The following AHNAK2 variants were observed in gnomAD, a reference collection of about 807,000 sequenced individuals.
AHNAK2 encodes the protein AHNAK nucleoprotein 2.
A neutral mutation model predicts 30.7 loss-of-function variants in AHNAK2; 18 were observed. That is an observed-to-expected ratio of 0.59 (90% CI 0.41 to 0.87). The LOEUF is 0.87. Ranked by LOEUF, AHNAK2 falls within the 40% of genes least tolerant of loss-of-function variation. AHNAK2 has a pLI of 0.00. For missense variants in AHNAK2, 8,604 were observed against 7,373.0 expected (o/e 1.17, Z -6.11); for synonymous variants, 3,590 against 3,073.8 (o/e 1.17, Z -5.56).
At position 104,944,907 on chromosome 14, in the gene AHNAK2, T is replaced by G. The variant is rs760940651; in HGVS notation, c.10544A>C (p.Asp3515Ala). ...AATGCTGAGGTCAGTGGCCTTGAGG[T>G]CCCCCTGCATGGAGGAGAGGCTCAC... ...ADVSLSSMQG[D>A]LKATDLSIQP... is the part of the protein sequence containing the mutation. Residue 3515 changes from aspartate to alanine, a missense_variant, in exon 7 of 7, where the codon GAC becomes GCC. By Grantham distance (126) the Asp-to-Ala change is moderately radical. Coordinates refer to ENST00000333244, the MANE Select transcript of AHNAK2 (RefSeq NM_138420.4). 19 of 1,612,542 alleles carry G rather than the reference T, an allele frequency of 1.2e-5. No homozygotes were observed. Among genetic ancestry groups the G allele is most frequent in the Non-Finnish European group, 1.6e-5 (19 of 1,179,472 alleles).
Position 104,947,658 on chromosome 14 carries a change from G to A in AHNAK2, c.7793C>T (p.Pro2598Leu). 1.2e-6 allele frequency: 2 copies of A among 1,613,152 alleles called. No homozygotes were observed. The highest frequency in any genetic ancestry group is 4.5e-5 in the East Asian group (2 of 44,772). The change falls in exon 7 of 7, where the codon CCC becomes CTC. Residue 2598 changes from proline (P) to leucine (L), a missense_variant. Coordinates refer to ENST00000333244, the MANE Select transcript of AHNAK2 (RefSeq NM_138420.4). ...ATCGGGGGCTGTCACTTCCGCCTTG[G>A]GGCCTTTCAGGTCCAGCTTGGGGCC... The part of the protein sequence containing the change: ...VKGPKLDLKG[P>L]KAEVTAPDVE...
In AHNAK2 at chr14:104,939,955, G is replaced by C; in HGVS notation, c.15496C>G (p.Pro5166Ala). The change falls in exon 7 of 7, where the codon CCA (proline) becomes GCA (alanine). Residue 5166 changes from proline to alanine, a missense_variant. Physicochemically the swap from Pro to Ala is conservative, Grantham distance 27. Coordinates refer to ENST00000333244, the MANE Select transcript of AHNAK2 (RefSeq NM_138420.4). ...TCCACTGTGAGGACTTCAGCATCTG[G>C]TTTTCTACAGGATGGCTGGAGGGGA... ...EDPLQPSCRK[P>A]DAEVLTVESP... 1.2e-6 allele frequency: 2 copies of C among 1,612,054 alleles called. No individual in the cohort carries two copies. Among genetic ancestry groups the C allele is most frequent in the East Asian group, 2.2e-5 (1 of 44,884 alleles).
At position 104,948,926 on chromosome 14, in the gene AHNAK2, C is replaced by G. The variant is rs376667114; in HGVS notation, c.6525G>C (p.Ser2175=). ...CCACCTTGGGTGGAGACACATCCAC[C>G]GAGGCCTCGATGGACTTGCCTGGGG... ...VSAPGKSIEA[S]VDVSPPKVEA... The change falls in exon 7 of 7, where the codon TCG becomes TCC. Residue 2175 remains serine, a synonymous_variant. Transcript: ENST00000333244. 5.2e-5 allele frequency: 82 copies of G among 1,582,118 alleles called. 1 individual carries two copies. The highest frequency in any genetic ancestry group is 4.3e-4 in the Admixed American group (25 of 57,672).
chr14:104,944,613 G>C lies in AHNAK2; in HGVS notation c.10838C>G (p.Ala3613Gly), dbSNP rs370731896. 1.9e-5 allele frequency: 30 copies of C among 1,613,026 alleles called. No homozygotes were observed. The African/African-American group carries it at 3.6e-4, about 19-fold the overall frequency. ...CTCCAGCCGCCCAGCATCCAGCTTGGCCTTCGGGGCCTGGACATCCACCTC... is the reference window on the plus strand; with the variant it reads ...CTCCAGCCGCCCAGCATCCAGCTTGCCCTTCGGGGCCTGGACATCCACCTC... ...SVEVDVQAPK[A>G]KLDAGRLEGD... The change falls in exon 7 of 7, where the codon GCC (alanine) becomes GGC (glycine). Residue 3613 changes from alanine (A) to glycine (G), a missense_variant. Coordinates refer to ENST00000333244, the MANE Select transcript of AHNAK2 (RefSeq NM_138420.4).
rs750003736 is a variant in AHNAK2 at position 104,946,802 on chromosome 14, C to T, written c.8649G>A (p.Glu2883=). 2 of 1,612,588 alleles carry T rather than the reference C, an allele frequency of 1.2e-6. No homozygotes were observed. Among genetic ancestry groups the T allele is most frequent in the Non-Finnish European group, 1.7e-6 (2 of 1,179,598 alleles). ...QAGQVDVKLP[E]GHVPEGAGLK... ...GGCCGGCTCCCTCGGGAACGTGGCC[C>T]TCTGGGAGTTTCACGTCCACCTGGC... Residue 2883 remains glutamate, a synonymous_variant, in exon 7 of 7, where the codon GAG becomes GAA. Transcript: ENST00000333244.
chr14:104,952,083 TCCA>T lies in AHNAK2; in HGVS notation c.3365_3367del (p.Val1122del). 1 of 1,612,334 alleles carries T rather than the reference TCCA, an allele frequency of 6.2e-7. No homozygotes were observed. Among genetic ancestry groups the T allele is most frequent in the Admixed American group, 1.7e-5 (1 of 59,930 alleles). ...CACCTCCACGCTGGGCAGAGACACC[TCCA>T]CATCAGGGGCTGTGACTTCCGCCTT... On this transcript the variant is annotated inframe_deletion, in exon 7 of 7. Coordinates refer to ENST00000333244, the MANE Select transcript of AHNAK2 (RefSeq NM_138420.4).
intron 1 of AHNAK2, among the ~76,000 whole-genome samples, chr14:104,961,440 G>T (rs922942061): frequency 6.6e-6 from 1 of 151,512 alleles, no homozygotes; most frequent in Non-Finnish European, 1.5e-5. Flanking sequence ...CGTGAACCCC[G>T]GGGGGCGGAG....
intron 1 of AHNAK2, among the ~76,000 whole-genome samples, chr14:104,971,143 G>A (rs1899461950): frequency 6.6e-6 from 1 of 152,126 alleles, no homozygotes. Flanking sequence ...TTGAAACAGG[G>A]TCTCTCTCTC....
chr14:104,962,176 C>T (rs969173066), intron 1 of AHNAK2, among the ~76,000 whole-genome samples: 4 of 152,184 alleles, frequency 2.6e-5, no homozygotes, highest in Non-Finnish European at 5.9e-5. Context: ...ACCAAACTGG[C>T]ACTGGGAGAA....
At position 104,941,980 on chromosome 14, in the gene AHNAK2, G is replaced by A; in HGVS notation, c.13471C>T (p.Pro4491Ser). Residue 4491 changes from proline (P) to serine (S), a missense_variant, in exon 7 of 7, where the codon CCA (proline) becomes TCA (serine). Physicochemically the swap from Pro to Ser is moderately conservative, Grantham distance 74. Transcript: ENST00000333244. ...SIEVSVDVSA[P>S]KMEADMSIPS... ...ATGCTCATGTCGGCCTCCATCTTTG[G>A]CGCAGACACATCCACCGAGACCTCG... The A allele has an allele frequency of 1.2e-6, 2 of 1,612,816 alleles. No individual in the cohort carries two copies. Among genetic ancestry groups the A allele is most frequent in the Non-Finnish European group, 1.7e-6 (2 of 1,179,468 alleles).
chr14:104,939,780 G>C lies in AHNAK2; in HGVS notation c.15671C>G (p.Thr5224Arg). ...GACTTTAGCTGCTGCTTCACCCCCT[G>C]TTGCTGCCGGTGCCTGTGTCTGAGC... ...EVAQTQAPAA[T>R]GGEAAAKVKE... is the part of the protein sequence containing the mutation. The change falls in exon 7 of 7, where the codon ACA (threonine) becomes AGA (arginine). Residue 5224 changes from threonine (T) to arginine (R), a missense_variant. Physicochemically the swap from Thr to Arg is moderately conservative, Grantham distance 71 (BLOSUM62 -1). Coordinates refer to ENST00000333244, the MANE Select transcript of AHNAK2 (RefSeq NM_138420.4). 1 of 1,613,686 alleles carries C rather than the reference G, an allele frequency of 6.2e-7. No individual in the cohort carries two copies. Among genetic ancestry groups the C allele is most frequent in the African/African-American group, 1.3e-5 (1 of 75,050 alleles).
intron 1 of AHNAK2, 37 bp from the exon 2 acceptor site, chr14:104,957,709 C>T: frequency 1.3e-6 from 2 of 1,595,424 alleles, no homozygotes; most frequent in Non-Finnish European, 8.5e-7. Context: ...GACAAGCAGG[C>T]TGGGGGAGCA....
rs1445995975 is a variant in AHNAK2 at position 104,954,549 on chromosome 14, T to C, written c.902A>G (p.Glu301Gly). The change falls in exon 7 of 7, where the codon GAG becomes GGG. Residue 301 changes from glutamate to glycine, a missense_variant. Transcript: ENST00000333244. The surrounding 1 kb of genome is among the most constrained non-coding windows in gnomAD (Gnocchi z 4.3). ...HDVSPTSTDTEAQLTVERQEQ... is the reference protein window; with the variant it reads ...HDVSPTSTDTGAQLTVERQEQ... ...TTGGCGCTCCACCGTGAGCTGGGCCTCTGTGTCTGTGCTTGTAGGGGACAC... is the reference window on the plus strand; with the variant it reads ...TTGGCGCTCCACCGTGAGCTGGGCCCCTGTGTCTGTGCTTGTAGGGGACAC... The C allele has an allele frequency of 1.2e-6, 2 of 1,609,344 alleles. No individual in the cohort carries two copies. Among genetic ancestry groups the C allele is most frequent in the Admixed American group, 3.3e-5 (2 of 59,764 alleles).
chr14:104,977,256 A>G (rs1291280455), intron 1 of AHNAK2, among the ~76,000 whole-genome samples: 1 of 152,214 alleles, frequency 6.6e-6, no homozygotes, highest in Non-Finnish European at 1.5e-5. Flanking sequence ...GTGGCTGCCA[A>G]TGCCCTGGGT....
At position 104,948,929 on chromosome 14, in the gene AHNAK2, G is replaced by C. The variant is rs755497062; in HGVS notation, c.6522C>G (p.Ala2174=). 1.3e-5 allele frequency: 20 copies of C among 1,555,688 alleles called. No individual in the cohort carries two copies. The highest frequency in any genetic ancestry group is 1.2e-4 in the Admixed American group (7 of 57,586). Reference sequence around the variant, plus strand: ...CCTTGGGTGGAGACACATCCACCGAGGCCTCGATGGACTTGCCTGGGGCAG... The same window carrying C: ...CCTTGGGTGGAGACACATCCACCGACGCCTCGATGGACTTGCCTGGGGCAG... The part of the protein sequence containing the change: ...GVSAPGKSIE[A]SVDVSPPKVE... The change falls in exon 7 of 7, where the codon GCC becomes GCG. Residue 2174 remains alanine, a synonymous_variant. Coordinates refer to ENST00000333244, the MANE Select transcript of AHNAK2 (RefSeq NM_138420.4).
chr14:104,972,775 C>A (rs551741875), intron 1 of AHNAK2, among the ~76,000 whole-genome samples: 363 of 152,370 alleles, frequency 2.4e-3, no homozygotes, highest in African/African-American at 8.1e-3. Context: ...CTGCCTGGGG[C>A]ACCCTCCCAG....
rs770394745 is a variant in AHNAK2, at chr14:104,953,047, C to T, written c.2404G>A (p.Asp802Asn). 1.9e-6 allele frequency: 3 copies of T among 1,613,316 alleles called. No individual in the cohort carries two copies. Among genetic ancestry groups the T allele is most frequent in the Non-Finnish European group, 2.5e-6 (3 of 1,179,760 alleles). ...VKMSLSSMEV[D>N]VQAPRAKLDG... ...AGCTTTGCTCTCGGGGCCTGGACGT[C>T]CACCTCCATGCTGGACAGAGACATC... The change falls in exon 7 of 7, where the codon GAC becomes AAC. Residue 802 changes from aspartate to asparagine, a missense_variant. Asp to Asn is a conservative substitution (Grantham distance 23, BLOSUM62 1). Coordinates refer to ENST00000333244, the MANE Select transcript of AHNAK2 (RefSeq NM_138420.4).
intron 1 of AHNAK2, among the ~76,000 whole-genome samples, chr14:104,958,228 C>A (rs1899037266): frequency 6.6e-6 from 1 of 152,130 alleles, no homozygotes; most frequent in Non-Finnish European, 1.5e-5. Flanking sequence ...GCGGGTGGAT[C>A]ACCTGAGGTT....
rs866459800 is a variant in AHNAK2, at chr14:104,974,235, C to T, written c.55+3948G>A. On this transcript the variant is annotated intron_variant, in intron 1 of 6. Coordinates refer to ENST00000333244, the MANE Select transcript of AHNAK2 (RefSeq NM_138420.4). ...TGGAGGGGAGCAGAGGAGCATGCCC[C>T]GTCCTCCTTGTGTGTCCAGTTAAGC... Among the ~76,000 whole-genome samples the T allele has an allele frequency of 1.8e-4, 28 of 152,316 alleles. No homozygotes were observed. In the Middle Eastern group the frequency reaches 0.02, roughly 111 times the overall value.
Sources: allele counts gnomAD v4.1 joint callset (sites outside exome capture counted in the v4.1 genomes callset), GRCh38; gene constraint gnomAD v4.1.1; non-coding constraint Gnocchi (gnomAD v3.1); transcripts MANE v1.5; gene names NCBI Gene and HGNC (gene_info 2026-07-23, HGNC 2026-07-21).